The following SCAPER variants were observed in gnomAD, a reference collection of about 807,000 sequenced individuals.
SCAPER encodes the protein S phase cyclin A-associated protein in the endoplasmic reticulum.
Under a neutral mutation model 182.2 loss-of-function variants are expected in SCAPER, and 98 were observed. The observed-to-expected ratio is 0.54, with a 90% CI of 0.46 to 0.64. The LOEUF (loss-of-function observed/expected upper bound fraction) is 0.64. Ranked by LOEUF, SCAPER falls within the 30% of genes least tolerant of loss-of-function variation. The pLI, the probability that SCAPER is intolerant of heterozygous loss-of-function variation, is 0.00. For synonymous variants in SCAPER, 605 were observed against 564.6 expected (o/e 1.07, Z -1.01); for missense variants, 1,432 against 1,690.0 (o/e 0.85, Z 2.68).
chr15:76,826,344 T>C lies in SCAPER; in HGVS notation c.393+15390A>G, dbSNP rs577106984. Among the ~76,000 whole-genome samples, 40 of 140,124 alleles carry C rather than the reference T, an allele frequency of 2.9e-4. No homozygotes were observed. In the South Asian group the frequency reaches 6.3e-3, roughly 22 times the overall value. 91.9% of individuals were successfully genotyped at this position (140,124 alleles called of 152,430 possible). On this transcript the variant is annotated intron_variant, in intron 5 of 31. Transcript: ENST00000563290. ...ACCAAACACCGCATATTCTCACTCATAGGTGGGAACTGAACAATGAGAACA... is the reference window on the plus strand; with the variant it reads ...ACCAAACACCGCATATTCTCACTCACAGGTGGGAACTGAACAATGAGAACA...
At chr15:76,869,598 A>G (rs1057513689) in intron 2 of SCAPER, among the ~76,000 whole-genome samples, 2 of 152,182 alleles carry the variant, frequency 1.3e-5, no homozygotes, top group African/African-American at 4.8e-5. Flanking sequence ...TCAAAAAGAC[A>G]GGCAATAACA....
At chr15:76,563,583 C>A (rs1034951145) in intron 23 of SCAPER, among the ~76,000 whole-genome samples, 3 of 152,160 alleles carry the variant, frequency 2.0e-5, no homozygotes, top group Non-Finnish European at 4.4e-5. Flanking sequence ...TGAAGTCTAT[C>A]AGGTATACAA....
rs543686447 is a variant in SCAPER at position 76,368,423 on chromosome 15, C to T, written c.3855+7739G>A. The stretch of plus-strand genomic sequence containing the variant: ...GAGGTGAGTACAACAGATTCATTTT[C>T]GGAATTTGTAGTCAAATTAACGTTT... On this transcript the variant is annotated intron_variant, in intron 29 of 31. Coordinates refer to ENST00000563290, the MANE Select transcript of SCAPER (RefSeq NM_020843.4). Among the ~76,000 whole-genome samples the T allele has an allele frequency of 4.6e-5, 7 of 152,314 alleles. No individual in the cohort carries two copies. In the East Asian group the frequency reaches 9.6e-4, roughly 21 times the overall value.
chr15:76,666,176 G>T (rs779829137), intron 20 of SCAPER, among the ~76,000 whole-genome samples: 1 of 152,166 alleles, frequency 6.6e-6, no homozygotes, highest in Non-Finnish European at 1.5e-5. Context: ...TTCACTAGGC[G>T]GAAGAGGGGG....
intron 20 of SCAPER, among the ~76,000 whole-genome samples, chr15:76,688,175 T>C (rs983678006): frequency 5.9e-5 from 9 of 151,864 alleles, no homozygotes; most frequent in African/African-American, 1.9e-4. Flanking sequence ...TGATTTGCAT[T>C]TCTCTAATGA....
chr15:76,616,795 T>G (rs2051533344), intron 22 of SCAPER, among the ~76,000 whole-genome samples: 1 of 152,112 alleles, frequency 6.6e-6, no homozygotes, highest in Non-Finnish European at 1.5e-5. Flanking sequence ...GTAGCATTAC[T>G]ACCTTTTTGG....
At chr15:76,410,013 G>T (rs1257502053) in intron 26 of SCAPER, among the ~76,000 whole-genome samples, 1 of 149,130 alleles carries the variant, frequency 6.7e-6, no homozygotes, top group Non-Finnish European at 1.5e-5. Context: ...GTCTGGTTGT[G>T]AACTCCTGGA....
intron 23 of SCAPER, among the ~76,000 whole-genome samples, chr15:76,528,570 T>A (rs1412771371): frequency 6.6e-6 from 1 of 152,228 alleles, no homozygotes; most frequent in African/African-American, 2.4e-5. Flanking sequence ...TGATTTAGTC[T>A]CTTAAACACT....
chr15:76,678,395 C>T (rs1480043820), intron 20 of SCAPER, among the ~76,000 whole-genome samples: 1 of 112,908 alleles, frequency 8.9e-6, no homozygotes, highest in African/African-American at 3.3e-5. Context: ...CCAGTTTTAC[C>T]AGTTAACTGA....
At chr15:76,775,173 G>T in intron 8 of SCAPER, 56 bp from the exon 9 acceptor site, 2 of 1,454,878 alleles carry the variant, frequency 1.4e-6, no homozygotes, top group South Asian at 1.4e-5. Flanking sequence ...AAAAATATTT[G>T]GAAACTCATA....
chr15:76,703,029 T>C (rs746915831), intron 18 of SCAPER, 27 bp from the exon 19 acceptor site: 2 of 1,511,688 alleles, frequency 1.3e-6, no homozygotes, highest in Non-Finnish European at 1.8e-6. Context: ...AGTGCAAGAA[T>C]TTCAAAAATT....
intron 4 of SCAPER, among the ~76,000 whole-genome samples, chr15:76,845,071 C>A (rs2069927342): frequency 6.6e-6 from 1 of 152,052 alleles, no homozygotes; most frequent in Non-Finnish European, 1.5e-5. Flanking sequence ...GATGGTTTAA[C>A]AATATGCAAA....
intron 13 of SCAPER, 91 bp downstream of exon 13, chr15:76,765,246 C>A: frequency 8.9e-7 from 1 of 1,124,246 alleles, no homozygotes; most frequent in Non-Finnish European, 1.3e-6. Context: ...GTAATGTGTC[C>A]AAAAATGCCA....
intron 21 of SCAPER, among the ~76,000 whole-genome samples, chr15:76,641,815 A>G (rs28721404): frequency 0.084 from 12,809 of 152,232 alleles, 623 homozygotes; most frequent in Middle Eastern, 0.12. Context: ...AAGAAGGACA[A>G]GGAAAATGGA....
intron 20 of SCAPER, among the ~76,000 whole-genome samples, chr15:76,673,332 T>C (rs1002715696): frequency 6.6e-6 from 1 of 152,118 alleles, no homozygotes; most frequent in East Asian, 1.9e-4. Flanking sequence ...AAGAATCCAG[T>C]ATATAATGCT....
chr15:76,874,547 A>T (rs2073012451), intron 2 of SCAPER, among the ~76,000 whole-genome samples: 1 of 152,196 alleles, frequency 6.6e-6, no homozygotes, highest in African/African-American at 2.4e-5. Flanking sequence ...CCTTGGCAAG[A>T]GGGATCAAGT....
intron 25 of SCAPER, among the ~76,000 whole-genome samples, chr15:76,439,580 G>A (rs2047423241): frequency 6.6e-6 from 1 of 152,184 alleles, no homozygotes; most frequent in Non-Finnish European, 1.5e-5. Flanking sequence ...TTTGCTTATA[G>A]AGCAACACTT....
intron 24 of SCAPER, among the ~76,000 whole-genome samples, chr15:76,504,167 T>C (rs1214801131): frequency 6.6e-6 from 1 of 152,136 alleles, no homozygotes; most frequent in Non-Finnish European, 1.5e-5. Context: ...GGATCATAGA[T>C]GTGAGCCATT....
intron 25 of SCAPER, among the ~76,000 whole-genome samples, chr15:76,446,414 A>C (rs751120467): frequency 6.6e-6 from 1 of 152,252 alleles, no homozygotes; most frequent in Non-Finnish European, 1.5e-5. Context: ...TGAATCATTT[A>C]AACATTGTTT....
Sources: allele counts gnomAD v4.1 joint callset (sites outside exome capture counted in the v4.1 genomes callset), GRCh38; gene constraint gnomAD v4.1.1; transcripts MANE v1.5; gene names NCBI Gene and HGNC (gene_info 2026-07-23, HGNC 2026-07-21).